The following OTUD7A variants were observed in gnomAD, a reference collection of about 807,000 sequenced individuals.
OTUD7A encodes the protein OTU deubiquitinase 7A.
Under a neutral mutation model 65.7 loss-of-function variants are expected in OTUD7A, and 12 were observed. The observed-to-expected ratio is 0.18, with a 90% CI of 0.12 to 0.30. The LOEUF (loss-of-function observed/expected upper bound fraction) is 0.30, where lower values mean the gene tolerates loss of function less well. Among genes scored for constraint, OTUD7A ranks in the 10% least tolerant of loss-of-function variants. The pLI is 1.00. For synonymous variants in OTUD7A, 641 were observed against 586.3 expected (o/e 1.09, Z -1.35); for missense variants, 1,148 against 1,304.8 (o/e 0.88, Z 1.85).
chr15:31,618,024 C>T (rs35616358), intron 3 of OTUD7A, among the ~76,000 whole-genome samples: 43,025 of 151,162 alleles, frequency 0.28, 7,191 homozygotes, highest in African/African-American at 0.47. Flanking sequence ...TGAGAACATG[C>T]GGTGTTTGGT....
intron 1 of OTUD7A, among the ~76,000 whole-genome samples, chr15:31,764,217 A>C (rs1307192285): frequency 6.6e-6 from 1 of 152,198 alleles, no homozygotes; most frequent in Non-Finnish European, 1.5e-5. Flanking sequence ...AAGCAATAGA[A>C]GTTTTAGTAT....
intron 8 of OTUD7A, among the ~76,000 whole-genome samples, chr15:31,510,332 A>AC (rs1300481516): frequency 6.7e-6 from 1 of 149,598 alleles, no homozygotes; most frequent in African/African-American, 2.5e-5. Flanking sequence ...AGAGGGACTT[A>AC]ATTTTTGGTG....
intron 1 of OTUD7A, among the ~76,000 whole-genome samples, chr15:31,696,971 T>C (rs141668082): frequency 0.021 from 3,133 of 151,404 alleles, 127 homozygotes; most frequent in African/African-American, 0.071. Context: ...TGCTAACTTC[T>C]TCCCTGGGGG....
chr15:31,532,829 G>A (rs1287806526), intron 5 of OTUD7A, among the ~76,000 whole-genome samples: 2 of 151,824 alleles, frequency 1.3e-5, no homozygotes, highest in Non-Finnish European at 1.5e-5. Context: ...AGCTACTCGG[G>A]GGGCTGAGGC....
chr15:31,591,763 T>C (rs893602687), intron 3 of OTUD7A, among the ~76,000 whole-genome samples: 21 of 152,362 alleles, frequency 1.4e-4, no homozygotes, highest in Admixed American at 3.3e-4. Flanking sequence ...CACATTCATG[T>C]GCCACTTAAC....
chr15:31,603,673 G>A (rs1890149635), intron 3 of OTUD7A, among the ~76,000 whole-genome samples: 1 of 152,076 alleles, frequency 6.6e-6, no homozygotes, highest in Non-Finnish European at 1.5e-5. Context: ...CAGAATGGGA[G>A]AACATTTTTG....
rs1014867625 is a variant in OTUD7A, at chr15:31,505,553, CTT to C, written c.894-1737_894-1736del. On this transcript the variant is annotated intron_variant, in intron 8 of 12. Transcript: ENST00000307050. Reference sequence around the variant, plus strand: ...TATTTTACTTTTTACAATTCTCCCTCTTATAATTTTTTTTTAATTTGTCTGTT... The same window carrying C: ...TATTTTACTTTTTACAATTCTCCCTCATAATTTTTTTTTAATTTGTCTGTT... Among the ~76,000 whole-genome samples, 27 of 149,382 alleles carry C rather than the reference CTT, an allele frequency of 1.8e-4. No homozygotes were observed. The South Asian group carries it at 2.1e-3, about 12-fold the overall frequency.
intron 1 of OTUD7A, among the ~76,000 whole-genome samples, chr15:31,758,573 C>A (rs1894877076): frequency 6.6e-6 from 1 of 152,366 alleles, no homozygotes; most frequent in African/African-American, 2.4e-5. Context: ...AGAGAGCAGA[C>A]ATGGTCATTT....
intron 1 of OTUD7A, among the ~76,000 whole-genome samples, chr15:31,666,893 C>A (rs945655038): frequency 6.6e-6 from 1 of 152,114 alleles, no homozygotes; most frequent in East Asian, 1.9e-4. Flanking sequence ...TGACCCAATG[C>A]TCATTCAGGA....
intron 3 of OTUD7A, among the ~76,000 whole-genome samples, chr15:31,629,356 G>C (rs1313540113): frequency 6.6e-6 from 1 of 152,118 alleles, no homozygotes; most frequent in Non-Finnish European, 1.5e-5. Flanking sequence ...ATAATCATGT[G>C]GTTTTTGTCA....
In OTUD7A at chr15:31,481,442, C is replaced by A. The variant is rs942904097; in HGVS notation, c.*1852G>T. Reference sequence around the variant, plus strand: ...CCCTCTCCATGAGATTTTTAAAAAACCACTTTTGTTTTCTGAGTAATAAAA... The same window carrying A: ...CCCTCTCCATGAGATTTTTAAAAAAACACTTTTGTTTTCTGAGTAATAAAA... On this transcript the variant is annotated 3_prime_UTR_variant, in exon 13 of 13. Coordinates refer to ENST00000307050, the MANE Select transcript of OTUD7A (RefSeq NM_001382637.1). 3 of 152,176 alleles carry A rather than the reference C, an allele frequency of 2.0e-5. No homozygotes were observed. Among genetic ancestry groups the A allele is most frequent in the African/African-American group, 4.8e-5 (2 of 41,440 alleles). 9.4% of individuals were successfully genotyped at this position (152,176 alleles called of 1,614,324 possible).
At chr15:31,663,059 C>CTT (rs56747304) in intron 1 of OTUD7A, among the ~76,000 whole-genome samples, 54,942 of 145,872 alleles carry the variant, frequency 0.38, 12,104 homozygotes, top group East Asian at 0.87. Context: ...TGTGTTAACT[C>CTT]TTTTTTTTTT....
chr15:31,487,631 A>G lies in OTUD7A; in HGVS notation c.1172-65T>C. On this transcript the variant is annotated intron_variant, in intron 10 of 12. Coordinates refer to ENST00000307050, the MANE Select transcript of OTUD7A (RefSeq NM_001382637.1). This position sits in a 1 kb window ranked among gnomAD's most constrained non-coding sequence, Gnocchi z 6.0. Reference sequence around the variant, plus strand: ...AGTCCCCAGGCAGGATGGCAAGGAAATTCCCAAGCCAGGTATCTGGGTGAC... The same window carrying G: ...AGTCCCCAGGCAGGATGGCAAGGAAGTTCCCAAGCCAGGTATCTGGGTGAC... 7.3e-7 allele frequency: 1 copy of G among 1,363,666 alleles called. No homozygotes were observed. The allele number at this position is 1,363,666 out of a possible 1,614,324, so 84.5% of individuals were successfully genotyped here. A position where few individuals can be genotyped will look rare whatever the true frequency, so the allele number is the denominator to read the frequency against.
chr15:31,495,240 T>G (rs957756028), intron 10 of OTUD7A, among the ~76,000 whole-genome samples: 1 of 152,202 alleles, frequency 6.6e-6, no homozygotes, highest in Admixed American at 6.5e-5. Context: ...GTGCTTTGGG[T>G]CCCTGAGTTG....
chr15:31,775,489 C>G (rs1172156987), intron 1 of OTUD7A, among the ~76,000 whole-genome samples: 2 of 152,194 alleles, frequency 1.3e-5, no homozygotes, highest in African/African-American at 4.8e-5. Context: ...ACCTGGCTTG[C>G]TGGGCAGGAC....
At chr15:31,662,996 T>C (rs2338892) in intron 1 of OTUD7A, among the ~76,000 whole-genome samples, 46,362 of 151,782 alleles carry the variant, frequency 0.31, 8,297 homozygotes, top group African/African-American at 0.49. Flanking sequence ...TAGCAAATTT[T>C]CAGTTTTTTT....
chr15:31,794,355 T>C (rs1475530087), intron 1 of OTUD7A, among the ~76,000 whole-genome samples: 3 of 152,218 alleles, frequency 2.0e-5, no homozygotes, highest in Non-Finnish European at 2.9e-5. Flanking sequence ...CTCTTTACAT[T>C]GATGGTTATT....
Position 31,538,982 on chromosome 15 carries a change from T to C in OTUD7A, c.551-8174A>G, listed in dbSNP as rs2141132716. Among the ~76,000 whole-genome samples the C allele has an allele frequency of 2.0e-5, 3 of 152,326 alleles. No individual in the cohort carries two copies. In the South Asian group the frequency reaches 6.2e-4, roughly 32 times the overall value. ...CAAATCTTCAGATAAATGATACTAT[T>C]AAATGCTGACGAATATGTGCTGTAC... On this transcript the variant is annotated intron_variant, in intron 5 of 12. Coordinates refer to ENST00000307050, the MANE Select transcript of OTUD7A (RefSeq NM_001382637.1).
intron 3 of OTUD7A, among the ~76,000 whole-genome samples, chr15:31,600,978 C>G (rs1468401921): frequency 6.6e-6 from 1 of 152,140 alleles, no homozygotes; most frequent in African/African-American, 2.4e-5. Context: ...TAGAGACCTA[C>G]AAAGAGACTC....
Sources: gnomAD v4.1 joint callset for allele counts (sites outside exome capture counted in the v4.1 genomes callset) on GRCh38, gnomAD v4.1.1 for gene constraint, Gnocchi (gnomAD v3.1) non-coding constraint, MANE v1.5 for transcripts, NCBI Gene and HGNC (gene_info 2026-07-23, HGNC 2026-07-21) for gene names.